The following ABCG2 variants were observed in gnomAD, a reference collection of about 807,000 sequenced individuals.
The protein encoded by ABCG2 is ATP binding cassette subfamily G member 2 (JR blood group), also known as broad substrate specificity ATP-binding cassette transporter ABCG2.
In ABCG2, 80 loss-of-function variants were observed where a neutral mutation model predicts 73.5. The observed-to-expected ratio is 1.09, with a 90% CI of 0.91 to 1.31. ABCG2 has a LOEUF of 1.31. Ranked by LOEUF, ABCG2 falls within the 50% of genes most tolerant of loss-of-function variation. ABCG2 has a pLI of 0.00. For synonymous variants in ABCG2, 269 were observed against 282.4 expected (o/e 0.95, Z 0.48); for missense variants, 796 against 786.2 (o/e 1.01, Z -0.15).
chr4:88,161,170 T>A (rs1416466570), upstream of ABCG2, among the ~76,000 whole-genome samples: 23 of 25,160 alleles, frequency 9.1e-4, no homozygotes, highest in East Asian at 8.3e-3. Flanking sequence ...TTTTTTTTAA[T>A]TTTTTTTTTT....
At chr4:88,192,781 G>A (rs1352966848) in intron 1 of ABCG2, among the ~76,000 whole-genome samples, 1 of 150,366 alleles carries the variant, frequency 6.7e-6, no homozygotes, top group Admixed American at 6.7e-5. Context: ...GCGCAATCTC[G>A]GCTCACTGCA....
intron 1 of ABCG2, among the ~76,000 whole-genome samples, chr4:88,168,094 G>C (rs1323662502): frequency 6.6e-6 from 1 of 151,556 alleles, no homozygotes; most frequent in African/African-American, 2.4e-5. Flanking sequence ...GATTGTGGGG[G>C]TAGTAAGAGC....
At chr4:88,178,109 T>G (rs1728083485) in intron 1 of ABCG2, among the ~76,000 whole-genome samples, 1 of 152,118 alleles carries the variant, frequency 6.6e-6, no homozygotes, top group Non-Finnish European at 1.5e-5. Context: ...AGGGAGTGCT[T>G]GCACCAACCC....
intron 6 of ABCG2, among the ~76,000 whole-genome samples, chr4:88,120,481 C>T (rs1012970870): frequency 6.6e-6 from 1 of 152,158 alleles, no homozygotes; most frequent in Non-Finnish European, 1.5e-5. Context: ...ATCCACAAGG[C>T]CAGAGCCTCC....
chr4:88,167,573 C>T (rs1727592056), intron 1 of ABCG2, among the ~76,000 whole-genome samples: 1 of 152,008 alleles, frequency 6.6e-6, no homozygotes, highest in African/African-American at 2.4e-5. Flanking sequence ...GGGGGTTTCA[C>T]CATATTGGCC....
chr4:88,179,279 C>T (rs938234020), intron 1 of ABCG2, among the ~76,000 whole-genome samples: 2 of 152,094 alleles, frequency 1.3e-5, no homozygotes, highest in Non-Finnish European at 2.9e-5. Flanking sequence ...AGAATTCTTC[C>T]GCATCTTATC....
At position 88,212,743 on chromosome 4, in the gene ABCG2, C is replaced by T. The variant is rs112124324; in HGVS notation, c.-20+18251G>A. On this transcript the variant is annotated intron_variant, in intron 1 of 15. Transcript: ENST00000515655. ...TTATAATTACATCCTTGCAAATGCC[C>T]TCAGCTCCTCTGCTCCCCTTTTGCT... Among the ~76,000 whole-genome samples the T allele has an allele frequency of 9.2e-3, 1,396 of 152,220 alleles. 23 individuals carry two copies. The highest frequency in any genetic ancestry group is 0.032 in the African/African-American group (1,321 of 41,520).
chr4:88,116,324 C>T (rs927270807), intron 7 of ABCG2, among the ~76,000 whole-genome samples: 12 of 152,282 alleles, frequency 7.9e-5, no homozygotes, highest in South Asian at 4.1e-4. Flanking sequence ...ACACCTGAAC[C>T]ATTCAGCTTT....
chr4:88,164,349 G>C (rs1727430357), intron 1 of ABCG2, among the ~76,000 whole-genome samples: 1 of 152,226 alleles, frequency 6.6e-6, no homozygotes, highest in African/African-American at 2.4e-5. Context: ...ACAGGCGTGA[G>C]CTACGGCTCC....
In ABCG2 at chr4:88,165,448, C is replaced by T. The variant is rs531728688; in HGVS notation, c.-19-25434G>A. On this transcript the variant is annotated intron_variant, in intron 1 of 15. Transcript: ENST00000515655. Reference sequence around the variant, plus strand: ...CTTTCTCCATCTTCAAAGCCAGCAGCATAGCAGCCCTGTGACCCTGCTTCT... The same window carrying T: ...CTTTCTCCATCTTCAAAGCCAGCAGTATAGCAGCCCTGTGACCCTGCTTCT... 3.3e-5 allele frequency among the ~76,000 whole-genome samples: 5 copies of T among 152,336 alleles called. No homozygotes were observed. The East Asian group carries it at 9.6e-4, about 29-fold the overall frequency.
At chr4:88,219,576 A>ATTT (rs5860122) in intron 1 of ABCG2, among the ~76,000 whole-genome samples, 43,006 of 90,962 alleles carry the variant, frequency 0.47, 12,609 homozygotes, top group East Asian at 0.63. Flanking sequence ...TACCATTCAA[A>ATTT]TTTTTTTTTT....
chr4:88,110,996 G>C (rs1723097247), intron 9 of ABCG2, among the ~76,000 whole-genome samples: 1 of 152,224 alleles, frequency 6.6e-6, no homozygotes, highest in South Asian at 2.1e-4. Context: ...TGAGTTCACT[G>C]ATGAGGCAGG....
chr4:88,132,809 G>A (rs948897446), intron 2 of ABCG2, among the ~76,000 whole-genome samples, 174 bp from the exon 3 acceptor site: 5 of 151,970 alleles, frequency 3.3e-5, no homozygotes, highest in African/African-American at 1.2e-4. Context: ...TGGTGGCTCA[G>A]GCCTGTAATC....
chr4:88,144,318 C>A (rs1725827700), intron 1 of ABCG2, among the ~76,000 whole-genome samples: 1 of 152,190 alleles, frequency 6.6e-6, no homozygotes, highest in South Asian at 2.1e-4. Context: ...AAAGCCCTTT[C>A]AAATAAGACA....
rs11325837 is a variant in ABCG2, at chr4:88,171,360, T to TA, written c.-19-31347dup. Among the ~76,000 whole-genome samples, 42 of 143,200 alleles carry TA rather than the reference T, an allele frequency of 2.9e-4. 1 individual carries two copies. The highest frequency in any genetic ancestry group is 2.0e-4 in the East Asian group (1 of 4,982). 93.9% of individuals were successfully genotyped at this position (143,200 alleles called of 152,430 possible). The stretch of plus-strand genomic sequence containing the variant: ...GAAGGCAGAGATCAGTCTGGAAATT[T>TA]AAAAAAAAAATGATTGAACTAAAGA... On this transcript the variant is annotated intron_variant, in intron 1 of 15. Coordinates refer to the ABCG2 transcript ENST00000515655.
Position 88,139,936 on chromosome 4 carries a change from G to GA in ABCG2, c.59dup (p.Ala22ArgfsTer6), listed in dbSNP as rs1168443804. 7 of 1,614,134 alleles carry GA rather than the reference G, an allele frequency of 4.3e-6. No homozygotes were observed. The Middle Eastern group carries it at 6.6e-4, about 152-fold the overall frequency. On this transcript the variant is annotated frameshift_variant, in exon 2 of 16. Coordinates refer to ENST00000237612, the MANE Select transcript of ABCG2 (RefSeq NM_004827.3). LOFTEE classifies it high-confidence loss of function. ...TCAGGTCATTGGAAGCTGTCGCGGG[G>GA]AAGCCATTGGTGTTTCCTTGTGACA...
At chr4:88,192,058 G>A (rs1021899344) in intron 1 of ABCG2, among the ~76,000 whole-genome samples, 5 of 151,922 alleles carry the variant, frequency 3.3e-5, no homozygotes, top group Non-Finnish European at 5.9e-5. Context: ...TGTAGCCCCA[G>A]CTACCCAGGA....
At chr4:88,163,714 C>A (rs1727404196), upstream of ABCG2, 1 of 398,282 alleles carries the variant, frequency 2.5e-6, no homozygotes, top group Non-Finnish European at 5.0e-6. Flanking sequence ...CCCTGGGGCA[C>A]TCAGAGAGAT....
At chr4:88,178,545 G>C (rs984386740) in intron 1 of ABCG2, among the ~76,000 whole-genome samples, 1 of 152,188 alleles carries the variant, frequency 6.6e-6, no homozygotes, top group Non-Finnish European at 1.5e-5. Context: ...GTACTCTCAA[G>C]TGTAATGAAG....
Sources: allele counts gnomAD v4.1 joint callset (sites outside exome capture counted in the v4.1 genomes callset), GRCh38; gene constraint gnomAD v4.1.1; transcripts MANE v1.5; gene names NCBI Gene and HGNC (gene_info 2026-07-23, HGNC 2026-07-21).